AP1B1: variants seen among roughly 807,000 people sequenced by gnomAD.
AP1B1 encodes adaptor related protein complex 1 subunit beta 1, also known as AP-1 complex subunit beta-1.
In AP1B1, 36 loss-of-function variants were observed where a neutral mutation model predicts 104.3. That is an observed-to-expected ratio of 0.35 (90% CI 0.26 to 0.46). AP1B1 has a LOEUF of 0.46. Ranked by LOEUF, AP1B1 falls within the 20% of genes least tolerant of loss-of-function variation. The probability of loss-of-function intolerance (pLI) is 1.00; values close to 1 mark genes in which losing one functional copy is unlikely to be tolerated. For missense variants in AP1B1, 901 were observed against 1,247.9 expected, an observed-to-expected ratio of 0.72 and a Z score of 4.19; for synonymous variants, 504 against 517.5, an observed-to-expected ratio of 0.97 and a Z score of 0.35.
At chr22:29,363,425 G>T (rs376007850) in intron 2 of AP1B1, among the ~76,000 whole-genome samples, 5 of 152,290 alleles carry the variant, frequency 3.3e-5, no homozygotes, top group African/African-American at 1.2e-4. Context: ...CGAGGCAGGC[G>T]GATCACGAGG....
At chr22:29,378,578 G>T (rs1212999734) in intron 1 of AP1B1, among the ~76,000 whole-genome samples, 1 of 127,344 alleles carries the variant, frequency 7.9e-6, no homozygotes, top group East Asian at 2.3e-4. Context: ...AAAAAAAAAA[G>T]GCCGGGCGCA....
intron 12 of AP1B1, 26 bp downstream of exon 12, chr22:29,342,259 C>A: frequency 6.3e-7 from 1 of 1,590,714 alleles, no homozygotes; most frequent in Non-Finnish European, 8.6e-7. Context: ...CTATGCTGGG[C>A]ACAGCGGGGA....
rs2857465 is a variant in AP1B1 at position 29,331,897 on chromosome 22, C to G, written c.2329G>C (p.Ala777Pro). The change falls in exon 18 of 23, where the codon GCC (alanine) becomes CCC (proline). Residue 777 changes from alanine (A) to proline (P), a missense_variant. Coordinates refer to ENST00000357586, the MANE Select transcript of AP1B1 (RefSeq NM_001127.4). ...NRNSFGLAPA[A>P]PLQVHAPLSP... The stretch of plus-strand genomic sequence containing the variant: ...AGTGGCGCGTGGACCTGGAGGGGGG[C>G]GGCGGGGGCCAGGCCAAAGCTGGGG... The G allele has an allele frequency of 6.2e-7, 1 of 1,609,084 alleles. No homozygotes were observed. Among genetic ancestry groups the G allele is most frequent in the Non-Finnish European group, 8.5e-7 (1 of 1,177,032 alleles).
At chr22:29,349,491 A>G in intron 10 of AP1B1, 108 bp from the exon 11 acceptor site, 1 of 1,181,692 alleles carries the variant, frequency 8.5e-7, no homozygotes, top group South Asian at 1.4e-5. Context: ...TAAGACCCCA[A>G]GGTGGCAGGT....
Position 29,358,885 on chromosome 22 carries a change from C to T in AP1B1, c.366G>A (p.Leu122=), listed in dbSNP as rs781772978. The change falls in exon 5 of 23, where the codon CTG becomes CTA. Residue 122 remains leucine (L), a synonymous_variant. Coordinates refer to ENST00000357586, the MANE Select transcript of AP1B1 (RefSeq NM_001127.4). ...TCAGGCACTTCCGGAGTGGCTCGCA[C>T]AGGTACTCTGTGATCTTGTCAACGC... ...CIRVDKITEY[L]CEPLRKCLKD... 6.2e-7 allele frequency: 1 copy of T among 1,613,806 alleles called. No homozygotes were observed. The highest frequency in any genetic ancestry group is 2.2e-5 in the East Asian group (1 of 44,860).
intron 12 of AP1B1, 36 bp downstream of exon 12, chr22:29,342,249 C>CT: frequency 6.5e-7 from 1 of 1,548,830 alleles, no homozygotes; most frequent in African/African-American, 1.4e-5. Context: ...TGAGTGAGGG[C>CT]TATGCTGGGC....
chr22:29,372,030 C>G (rs1164052855), intron 1 of AP1B1, among the ~76,000 whole-genome samples: 2 of 152,198 alleles, frequency 1.3e-5, no homozygotes, highest in African/African-American at 4.8e-5. Flanking sequence ...GCTGTCCTCT[C>G]TTAATCTTAA....
chr22:29,379,270 T>C (rs2062399446), intron 1 of AP1B1, among the ~76,000 whole-genome samples: 1 of 152,010 alleles, frequency 6.6e-6, no homozygotes, highest in South Asian at 2.1e-4. Flanking sequence ...GGAGAATTGC[T>C]TGAACCTGAA....
chr22:29,337,521 C>T (rs75337432), intron 16 of AP1B1, among the ~76,000 whole-genome samples: 7,266 of 152,218 alleles, frequency 0.048, 232 homozygotes, highest in Non-Finnish European at 0.072. Context: ...ACAGAGCTGT[C>T]ACTGCCCCTG....
rs1224517035 is a variant in AP1B1 at position 29,365,176 on chromosome 22, G to A, written c.37+2031C>T. ...GGGGCAGGGCTGAAACTGAAAACCAGGTCTGCTAGCTCCAAAGCCCATGCT... is the reference window on the plus strand; with the variant it reads ...GGGGCAGGGCTGAAACTGAAAACCAAGTCTGCTAGCTCCAAAGCCCATGCT... On this transcript the variant is annotated intron_variant, in intron 2 of 22. Coordinates refer to ENST00000357586, the MANE Select transcript of AP1B1 (RefSeq NM_001127.4). Among the ~76,000 whole-genome samples, 3 of 152,290 alleles carry A rather than the reference G, an allele frequency of 2.0e-5. No homozygotes were observed. In the Middle Eastern group the frequency reaches 0.01, roughly 518 times the overall value.
chr22:29,354,706 G>A lies in AP1B1; in HGVS notation c.882C>T (p.Ala294=), dbSNP rs200703336. 32 of 1,614,020 alleles carry A rather than the reference G, an allele frequency of 2.0e-5. No homozygotes were observed. In the East Asian group the frequency reaches 2.0e-4, roughly 10 times the overall value. The part of the protein sequence containing the change: ...LAPPLVTLLS[A]EPELQYVALR... ...GGGCCACATACTGCAGCTCTGGCTC[G>A]GCTGACAGCAGTGTGACCAGGGGTG... Residue 294 remains alanine (A), a synonymous_variant, in exon 7 of 23, where the codon GCC becomes GCT. Coordinates refer to ENST00000357586, the MANE Select transcript of AP1B1 (RefSeq NM_001127.4).
intron 1 of AP1B1, among the ~76,000 whole-genome samples, chr22:29,386,117 C>T (rs1351179287): frequency 6.6e-6 from 1 of 152,200 alleles, no homozygotes; most frequent in Non-Finnish European, 1.5e-5. Flanking sequence ...AGAGTCAAAG[C>T]ACCCAAAAAT....
chr22:29,366,159 T>C (rs1050217411), intron 2 of AP1B1, among the ~76,000 whole-genome samples: 3 of 152,122 alleles, frequency 2.0e-5, no homozygotes, highest in Non-Finnish European at 4.4e-5. Context: ...TAAAGCACAT[T>C]TGTCAGCCAC....
rs180757257 is a variant in AP1B1 at position 29,364,107 on chromosome 22, T to C, written c.38-1001A>G. On this transcript the variant is annotated intron_variant, in intron 2 of 22. Transcript: ENST00000357586. ...CTCAGTGCAATAGAACCTGAGTACTTAAGGCTTGCGGGGTGAGAGCAGGAT... is the reference window on the plus strand; with the variant it reads ...CTCAGTGCAATAGAACCTGAGTACTCAAGGCTTGCGGGGTGAGAGCAGGAT... Among the ~76,000 whole-genome samples, 176 of 152,290 alleles carry C rather than the reference T, an allele frequency of 1.2e-3. 5 individuals are homozygous for C. Among genetic ancestry groups the C allele is most frequent in the Middle Eastern group, 6.8e-3 (2 of 294 alleles).
At chr22:29,337,995 G>T (rs1327416962) in intron 16 of AP1B1, among the ~76,000 whole-genome samples, 3 of 152,216 alleles carry the variant, frequency 2.0e-5, no homozygotes, top group Non-Finnish European at 2.9e-5. Context: ...CGCTCAGCCT[G>T]GCCCGCCAGC....
intron 16 of AP1B1, among the ~76,000 whole-genome samples, chr22:29,337,771 T>G (rs2061658755): frequency 6.6e-6 from 1 of 152,090 alleles, no homozygotes; most frequent in Non-Finnish European, 1.5e-5. Flanking sequence ...CCCAGGGAGC[T>G]CTCAAGTCTG....
chr22:29,331,107 C>T (rs2061550898), intron 19 of AP1B1, among the ~76,000 whole-genome samples: 2 of 152,204 alleles, frequency 1.3e-5, no homozygotes, highest in Admixed American at 6.5e-5. Context: ...CAACACCCTT[C>T]TTGGGGGTTC....
At chr22:29,355,268 G>T (rs2061939024) in intron 6 of AP1B1, among the ~76,000 whole-genome samples, 2 of 151,308 alleles carry the variant, frequency 1.3e-5, no homozygotes, top group Middle Eastern at 3.4e-3. Flanking sequence ...TTCAGCCTGG[G>T]CAAAATCATG....
rs534680367 is a variant in AP1B1 at position 29,356,411 on chromosome 22, G to A, written c.716+15C>T. On this transcript the variant is annotated intron_variant, in intron 6 of 22. Transcript: ENST00000357586. ...TCCTCAAGCTGGGCTGGCAAGCAACGGGCAGCCCGCTCACCTCTGGGCCTC... is the reference window on the plus strand; with the variant it reads ...TCCTCAAGCTGGGCTGGCAAGCAACAGGCAGCCCGCTCACCTCTGGGCCTC... 3.3e-5 allele frequency: 52 copies of A among 1,599,838 alleles called. No homozygotes were observed. The highest frequency in any genetic ancestry group is 3.4e-4 in the Middle Eastern group (2 of 5,872).
Sources: gnomAD v4.1 joint callset for allele counts (sites outside exome capture counted in the v4.1 genomes callset) on GRCh38, gnomAD v4.1.1 for gene constraint, MANE v1.5 for transcripts, NCBI Gene and HGNC (gene_info 2026-07-23, HGNC 2026-07-21) for gene names.